Variants in GPC6 observed in about 807,000 individuals in gnomAD.
GPC6 encodes glypican 6.
In GPC6, 14 loss-of-function variants were observed where a neutral mutation model predicts 55.2. The observed-to-expected ratio is 0.25, with a 90% CI of 0.17 to 0.40. GPC6 has a LOEUF of 0.40. Among genes scored for constraint, GPC6 ranks in the 10% least tolerant of loss-of-function variants. The pLI is 1.00. For synonymous variants in GPC6, 278 were observed against 259.6 expected, an observed-to-expected ratio of 1.07 and a Z score of -0.68; for missense variants, 641 against 708.5, an observed-to-expected ratio of 0.90 and a Z score of 1.08.
rs372148975 is a variant in GPC6, at chr13:94,386,343, G to C, written c.1289+3793G>C. Among the ~76,000 whole-genome samples the C allele has an allele frequency of 2.3e-3, 344 of 147,614 alleles. 3 individuals are homozygous for C. The highest frequency in any genetic ancestry group is 8.0e-3 in the African/African-American group (316 of 39,568). On this transcript the variant is annotated intron_variant, in intron 7 of 8. Transcript: ENST00000377047. Reference sequence around the variant, plus strand: ...CCACTGCACTCCAGCCTGGGCGAGAGAGCAAGACTCTGTCTCAAAAAAAAA... The same window carrying C: ...CCACTGCACTCCAGCCTGGGCGAGACAGCAAGACTCTGTCTCAAAAAAAAA...
chr13:93,415,707 A>G (rs1256286626), intron 1 of GPC6, among the ~76,000 whole-genome samples: 1 of 152,108 alleles, frequency 6.6e-6, no homozygotes, highest in African/African-American at 2.4e-5. Context: ...GGTGAGAAGA[A>G]AGATTCCTAT....
At chr13:94,051,525 T>A (rs141236786) in intron 4 of GPC6, among the ~76,000 whole-genome samples, 8 of 152,300 alleles carry the variant, frequency 5.3e-5, no homozygotes, top group African/African-American at 1.7e-4. Context: ...GCAGAGCACT[T>A]TACGAGAGTA....
At chr13:94,155,208 T>A (rs2138902998) in intron 4 of GPC6, among the ~76,000 whole-genome samples, 1 of 138,564 alleles carries the variant, frequency 7.2e-6, no homozygotes, top group African/African-American at 2.7e-5. Context: ...TGCCAGAAAC[T>A]GAGCTCACCC....
At chr13:93,398,996 C>T (rs1440855731) in intron 1 of GPC6, among the ~76,000 whole-genome samples, 1 of 152,022 alleles carries the variant, frequency 6.6e-6, no homozygotes, top group Non-Finnish European at 1.5e-5. Flanking sequence ...ACTGAAGAAA[C>T]CTTTCTTCAA....
chr13:93,889,054 C>A (rs571323389), intron 3 of GPC6, among the ~76,000 whole-genome samples: 1 of 152,196 alleles, frequency 6.6e-6, no homozygotes, highest in East Asian at 1.9e-4. Flanking sequence ...AAAATGACAT[C>A]AAATAAATTA....
At chr13:94,080,363 A>G (rs962248905) in intron 4 of GPC6, among the ~76,000 whole-genome samples, 2 of 152,224 alleles carry the variant, frequency 1.3e-5, no homozygotes, top group Non-Finnish European at 2.9e-5. Flanking sequence ...ATATTTGGGT[A>G]AAAATTGCAT....
chr13:93,870,191 A>G (rs1889087550), intron 3 of GPC6, among the ~76,000 whole-genome samples: 1 of 151,842 alleles, frequency 6.6e-6, no homozygotes, highest in African/African-American at 2.4e-5. Context: ...CTATAACCCA[A>G]AGATGATACT....
chr13:93,954,698 C>A (rs9516319), intron 3 of GPC6, among the ~76,000 whole-genome samples: 30,574 of 152,058 alleles, frequency 0.2, 3,343 homozygotes, highest in East Asian at 0.39. Context: ...ACAGACCTGC[C>A]TGGGAAGCTC....
intron 4 of GPC6, among the ~76,000 whole-genome samples, chr13:94,235,204 G>A (rs1247897690): frequency 6.6e-6 from 1 of 152,100 alleles, no homozygotes; most frequent in Non-Finnish European, 1.5e-5. Context: ...ATCAAAGAGT[G>A]AGCTATAAAG....
At chr13:93,454,731 G>C (rs963048597) in intron 1 of GPC6, among the ~76,000 whole-genome samples, 11 of 152,236 alleles carry the variant, frequency 7.2e-5, no homozygotes, top group African/African-American at 2.7e-4. Flanking sequence ...TCACCCAGTG[G>C]ATCCCGCACC....
chr13:93,430,254 C>T (rs1205470352), intron 1 of GPC6, among the ~76,000 whole-genome samples: 1 of 151,900 alleles, frequency 6.6e-6, no homozygotes, highest in East Asian at 1.9e-4. Flanking sequence ...TTTTACTTAA[C>T]CTGAAGCAAA....
chr13:93,938,435 C>A (rs1056751128), intron 3 of GPC6, among the ~76,000 whole-genome samples: 4 of 152,106 alleles, frequency 2.6e-5, no homozygotes, highest in African/African-American at 9.7e-5. Context: ...TTCATAGATT[C>A]TTAAGGCTTT....
At chr13:94,168,964 C>T (rs936588904) in intron 4 of GPC6, among the ~76,000 whole-genome samples, 2 of 151,962 alleles carry the variant, frequency 1.3e-5, no homozygotes, top group African/African-American at 4.8e-5. Context: ...CCTCCGTGGG[C>T]GTGGGGATAG....
chr13:94,151,493 A>C (rs1887738927), intron 4 of GPC6, among the ~76,000 whole-genome samples: 1 of 152,148 alleles, frequency 6.6e-6, no homozygotes. Context: ...TGACATGCGA[A>C]GGGCCCTGAT....
intron 3 of GPC6, among the ~76,000 whole-genome samples, chr13:94,004,501 A>G (rs1046091296): frequency 6.6e-6 from 1 of 152,194 alleles, no homozygotes; most frequent in Non-Finnish European, 1.5e-5. Flanking sequence ...TGGAGAATAT[A>G]GATGTTTTAA....
intron 6 of GPC6, among the ~76,000 whole-genome samples, chr13:94,338,757 A>G (rs554796214): frequency 6.6e-6 from 1 of 152,348 alleles, no homozygotes; most frequent in African/African-American, 2.4e-5. Context: ...AGAAGTCTGT[A>G]GTAAACCCAT....
At chr13:93,791,260 G>T (rs1438669453) in intron 2 of GPC6, among the ~76,000 whole-genome samples, 10 of 152,308 alleles carry the variant, frequency 6.6e-5, no homozygotes, top group Non-Finnish European at 1.0e-4. Context: ...ATGCCAGGAA[G>T]TTTGCAAGAC....
chr13:93,307,897 T>G (rs1273775410), intron 1 of GPC6, among the ~76,000 whole-genome samples: 1 of 152,198 alleles, frequency 6.6e-6, no homozygotes, highest in Non-Finnish European at 1.5e-5. Flanking sequence ...CTAGATTTAG[T>G]CATTTTACAA....
chr13:93,252,833 C>G (rs115129849), intron 1 of GPC6, among the ~76,000 whole-genome samples: 2 of 152,236 alleles, frequency 1.3e-5, no homozygotes, highest in South Asian at 4.1e-4. Flanking sequence ...TGTTTTCTTA[C>G]CAGGCATACC....
Sources: allele counts gnomAD v4.1 joint callset (sites outside exome capture counted in the v4.1 genomes callset), GRCh38; gene constraint gnomAD v4.1.1; transcripts MANE v1.5; gene names NCBI Gene and HGNC (gene_info 2026-07-23, HGNC 2026-07-21).